The following ATXN2 variants were observed in gnomAD, a reference collection of about 807,000 sequenced individuals.
ATXN2 encodes ataxin-2.
In ATXN2, 37 loss-of-function variants were observed where a neutral mutation model predicts 138.6. The ratio of observed to expected loss-of-function variants is 0.27; its 90% CI spans 0.21 to 0.35. The LOEUF (loss-of-function observed/expected upper bound fraction) is 0.35, where lower values mean the gene tolerates loss of function less well. ATXN2 is among the 10% of genes least tolerant of loss of function. ATXN2 has a pLI of 1.00. For synonymous variants in ATXN2, 549 were observed against 543.7 expected (o/e 1.01, Z -0.13); for missense variants, 1,216 against 1,480.3 (o/e 0.82, Z 2.93).
At chr12:111,553,508 G>C (rs1331958898) in intron 3 of ATXN2, among the ~76,000 whole-genome samples, 2 of 126,286 alleles carry the variant, frequency 1.6e-5, no homozygotes, top group Non-Finnish European at 3.1e-5. Context: ...TATTGTTTTA[G>C]GAATAATGAC....
intron 1 of ATXN2, among the ~76,000 whole-genome samples, chr12:111,580,162 G>C (rs1883915158): frequency 6.6e-6 from 1 of 151,896 alleles, no homozygotes; most frequent in African/African-American, 2.4e-5. Context: ...AGAAAGTTCG[G>C]TGTGGTTAGG....
rs780718499 is a variant in ATXN2 at position 111,552,910 on chromosome 12, G to A, written c.416C>T (p.Pro139Leu). ...IYEGVFKTYS[P>L]KCDLVLDAAH... ...AAGAAAAAAAGTAAAAATTACCTTC[G>A]GACTGTAAGTTTTAAAAACTCCTTC... Residue 139 changes from proline (P) to leucine (L), a missense_variant, in exon 4 of 25, where the codon CCG becomes CTG. Coordinates refer to ENST00000673436, the MANE Select transcript of ATXN2 (RefSeq NM_001372574.1). This position sits in a 1 kb window ranked among gnomAD's most constrained non-coding sequence, Gnocchi z 4.1. 12 of 1,542,036 alleles carry A rather than the reference G, an allele frequency of 7.8e-6. No homozygotes were observed. Among genetic ancestry groups the A allele is most frequent in the Admixed American group, 4.3e-5 (2 of 46,614 alleles).
chr12:111,457,514 T>A (rs1875202542), intron 21 of ATXN2, 155 bp from the exon 22 acceptor site: 6 of 827,640 alleles, frequency 7.2e-6, no homozygotes, highest in Non-Finnish European at 1.1e-5. Context: ...CCATCCATTG[T>A]CTTGAAAAAA....
chr12:111,461,480 A>G (rs1875577061), intron 21 of ATXN2, among the ~76,000 whole-genome samples: 1 of 151,940 alleles, frequency 6.6e-6, no homozygotes, highest in Non-Finnish European at 1.5e-5. Flanking sequence ...CAAAAAATAA[A>G]ATAAACAAAT....
intron 1 of ATXN2, among the ~76,000 whole-genome samples, chr12:111,593,390 T>C (rs1396175509): frequency 6.6e-6 from 1 of 152,066 alleles, no homozygotes; most frequent in Non-Finnish European, 1.5e-5. Flanking sequence ...CCACCGCGCC[T>C]GGCCTTGAGA....
intron 1 of ATXN2, among the ~76,000 whole-genome samples, chr12:111,588,757 C>T (rs758159022): frequency 6.6e-6 from 1 of 151,480 alleles, no homozygotes; most frequent in Admixed American, 6.6e-5. Context: ...TTTGGGAAGC[C>T]GAGGCGGGCA....
intron 6 of ATXN2, 127 bp from the exon 7 acceptor site, chr12:111,521,100 A>G (rs939535499): frequency 1.6e-6 from 1 of 634,904 alleles, no homozygotes; most frequent in African/African-American, 1.9e-5. Flanking sequence ...ATTAGAAAAT[A>G]GGAAAAAATT....
At position 111,552,598 on chromosome 12, in the gene ATXN2, T is replaced by A; in HGVS notation, c.421-168A>T. ...ATGATCTATTATCCATTCCATCATT[T>A]AAAAATCCTCATATCTAAATGTTTT... On this transcript the variant is annotated intron_variant, in intron 4 of 24. Transcript: ENST00000673436. This position sits in a 1 kb window ranked among gnomAD's most constrained non-coding sequence, Gnocchi z 4.1. The A allele has an allele frequency of 1.5e-6, 1 of 687,258 alleles. No homozygotes were observed. Among genetic ancestry groups the A allele is most frequent in the Non-Finnish European group, 2.2e-6 (1 of 445,460 alleles). The allele number at this position is 687,258 out of a possible 1,614,324, so 42.6% of individuals were successfully genotyped here. A position where few individuals can be genotyped will look rare whatever the true frequency, so the allele number is the denominator to read the frequency against.
intron 10 of ATXN2, 132 bp from the exon 11 acceptor site, chr12:111,513,671 AG>A: frequency 6.9e-6 from 5 of 723,700 alleles, no homozygotes; most frequent in African/African-American, 1.8e-5. Flanking sequence ...GGTTAAAAAT[AG>A]AAAAAAAAAA....
Position 111,453,184 on chromosome 12 carries a change from C to G in ATXN2, c.3440-344G>C. 1 of 1,126,694 alleles carries G rather than the reference C, an allele frequency of 8.9e-7. No homozygotes were observed. The highest frequency in any genetic ancestry group is 1.1e-6 in the Non-Finnish European group (1 of 919,582). The allele number at this position is 1,126,694 out of a possible 1,614,324, so 69.8% of individuals were successfully genotyped here. ...TGTGAAGTATCGCCATGGCAGCCAT[C>G]AAGTAGTAGAGCACAATCACAGGGC... On this transcript the variant is annotated intron_variant, in intron 24 of 24. Coordinates refer to ENST00000673436, the MANE Select transcript of ATXN2 (RefSeq NM_001372574.1). The surrounding 1 kb of genome is among the most constrained non-coding windows in gnomAD (Gnocchi z 5.4).
At chr12:111,536,546 T>C (rs922258203) in intron 5 of ATXN2, among the ~76,000 whole-genome samples, 1 of 152,108 alleles carries the variant, frequency 6.6e-6, no homozygotes, top group Admixed American at 6.6e-5. Flanking sequence ...TATGTAGGAT[T>C]GTAAAATGAT....
At chr12:111,489,087 T>C (rs991735926) in intron 14 of ATXN2, among the ~76,000 whole-genome samples, 1 of 152,304 alleles carries the variant, frequency 6.6e-6, no homozygotes, top group African/African-American at 2.4e-5. Context: ...TATCCTCTTA[T>C]ACTTGTCATT....
chr12:111,564,562 A>G (rs1351470511), intron 1 of ATXN2, among the ~76,000 whole-genome samples: 1 of 152,042 alleles, frequency 6.6e-6, no homozygotes, highest in Non-Finnish European at 1.5e-5. Context: ...GAGACTTTAC[A>G]TAAAAAGTTT....
chr12:111,537,078 C>T (rs1414285452), intron 5 of ATXN2, among the ~76,000 whole-genome samples: 18 of 152,020 alleles, frequency 1.2e-4, no homozygotes, highest in African/African-American at 3.9e-4. Context: ...AGCCACCACA[C>T]CCGGCCCACA....
At chr12:111,534,494 T>G (rs1463858340) in intron 5 of ATXN2, among the ~76,000 whole-genome samples, 1 of 152,176 alleles carries the variant, frequency 6.6e-6, no homozygotes, top group Non-Finnish European at 1.5e-5. Flanking sequence ...GTATATATAC[T>G]AGACACCATG....
intron 14 of ATXN2, among the ~76,000 whole-genome samples, chr12:111,495,787 CAT>C (rs1878385986): frequency 6.6e-6 from 1 of 152,094 alleles, no homozygotes; most frequent in East Asian, 1.9e-4. Context: ...ATAGAATACA[CAT>C]TCTTCTCCTC....
chr12:111,571,490 T>G (rs931448802), intron 1 of ATXN2, among the ~76,000 whole-genome samples: 4 of 152,116 alleles, frequency 2.6e-5, no homozygotes, highest in Admixed American at 2.6e-4. Flanking sequence ...AGGGTAAGTA[T>G]GAGGATCTCG....
chr12:111,470,974 A>G (rs1222512414), intron 18 of ATXN2: 5 of 515,664 alleles, frequency 9.7e-6, no homozygotes, highest in East Asian at 3.2e-5. Context: ...TTCATCCTTC[A>G]GGTGTCAGCT....
At position 111,453,433 on chromosome 12, in the gene ATXN2, C is replaced by G; in HGVS notation, c.3439+244G>C. ...CTAGGCATGCATCAGGCTGCTGTTG[C>G]TGCTGCTGCTGCTTCTCATCAAGCC... On this transcript the variant is annotated intron_variant, in intron 24 of 24. Coordinates refer to ENST00000673436, the MANE Select transcript of ATXN2 (RefSeq NM_001372574.1). The surrounding 1 kb of genome is among the most constrained non-coding windows in gnomAD (Gnocchi z 5.4). 8.2e-7 allele frequency: 1 copy of G among 1,220,962 alleles called. No individual in the cohort carries two copies. Among genetic ancestry groups the G allele is most frequent in the Non-Finnish European group, 1.0e-6 (1 of 978,210 alleles). The allele number at this position is 1,220,962 out of a possible 1,614,324, so 75.6% of individuals were successfully genotyped here. A position where few individuals can be genotyped will look rare whatever the true frequency, so the allele number is the denominator to read the frequency against.
Sources: gnomAD v4.1 joint callset for allele counts (sites outside exome capture counted in the v4.1 genomes callset) on GRCh38, gnomAD v4.1.1 for gene constraint, Gnocchi (gnomAD v3.1) non-coding constraint, MANE v1.5 for transcripts, NCBI Gene and HGNC (gene_info 2026-07-23, HGNC 2026-07-21) for gene names.